MTUS2: variants seen among roughly 807,000 people sequenced by gnomAD.
The protein encoded by MTUS2 is microtubule associated scaffold protein 2, also known as microtubule-associated tumor suppressor candidate 2.
In MTUS2, 40 loss-of-function variants were observed where a neutral mutation model predicts 114.1. The ratio of observed to expected loss-of-function variants is 0.35; its 90% confidence interval spans 0.27 to 0.46. The LOEUF is 0.46. MTUS2 is among the 20% of genes least tolerant of loss of function. The pLI, the probability that MTUS2 is intolerant of heterozygous loss-of-function variation, is 1.00. For synonymous variants in MTUS2, 688 were observed against 672.0 expected, an observed-to-expected ratio of 1.02 and a Z score of -0.37; for missense variants, 1,679 against 1,705.4, an observed-to-expected ratio of 0.98 and a Z score of 0.27.
chr13:29,446,424 G>A (rs1878285090), intron 9 of MTUS2, among the ~76,000 whole-genome samples: 1 of 152,174 alleles, frequency 6.6e-6, no homozygotes, highest in African/African-American at 2.4e-5. Context: ...AGCACCAGAG[G>A]AAAAACTTTG....
intron 2 of MTUS2, among the ~76,000 whole-genome samples, chr13:28,950,262 T>A (rs138409568): frequency 1.6e-3 from 239 of 152,374 alleles, no homozygotes; most frequent in African/African-American, 5.6e-3. Flanking sequence ...GAAATTTGTA[T>A]TCAAGTCCTT....
At chr13:29,088,450 T>A (rs1889795233) in intron 4 of MTUS2, among the ~76,000 whole-genome samples, 1 of 152,214 alleles carries the variant, frequency 6.6e-6, no homozygotes, top group Admixed American at 6.5e-5. Context: ...AGGTACATTC[T>A]TACATTGTTG....
chr13:29,338,514 G>T (rs367765864), intron 7 of MTUS2, among the ~76,000 whole-genome samples: 13 of 152,206 alleles, frequency 8.5e-5, no homozygotes, highest in African/African-American at 3.1e-4. Context: ...CGCTTGAACC[G>T]GGGAGGCGGA....
intron 10 of MTUS2, chr13:29,482,047 T>C (rs1298449322): frequency 6.6e-6 from 1 of 152,244 alleles, no homozygotes; most frequent in South Asian, 2.1e-4. Flanking sequence ...CAGCTTGTTC[T>C]GTGCCTCTGT....
At chr13:29,152,117 A>C (rs886398136) in intron 5 of MTUS2, among the ~76,000 whole-genome samples, 9 of 152,076 alleles carry the variant, frequency 5.9e-5, no homozygotes, top group Non-Finnish European at 1.3e-4. Context: ...GATTGGTGTC[A>C]GCTCTTCTTT....
rs200134055 is a variant in MTUS2 at position 29,211,648 on chromosome 13, A to G, written c.2645-70056A>G. Among the ~76,000 whole-genome samples the G allele has an allele frequency of 3.0e-4, 45 of 152,088 alleles. No individual in the cohort carries two copies. The East Asian group carries it at 8.1e-3, about 27-fold the overall frequency. On this transcript the variant is annotated intron_variant, in intron 5 of 15. Transcript: ENST00000612955. ...TCTTCCCACTGCTTCCCCTACCCCT[A>G]TATTTTGCTCAGCTCTCTAAATTTG...
intron 2 of MTUS2, among the ~76,000 whole-genome samples, chr13:28,870,414 G>A (rs551598414): frequency 6.6e-6 from 1 of 152,228 alleles, no homozygotes; most frequent in African/African-American, 2.4e-5. Context: ...GAGTATGGGA[G>A]GGGGAAGGAG....
chr13:29,059,228 A>ATTTTTTTTTTTT (rs35369352), intron 4 of MTUS2, among the ~76,000 whole-genome samples: 5 of 97,142 alleles, frequency 5.1e-5, no homozygotes, highest in Non-Finnish European at 7.7e-5. Flanking sequence ...TATTCTTTGG[A>ATTTTTTTTTTTT]TTTTTTTTTT....
chr13:29,273,877 G>A (rs187114875), intron 5 of MTUS2, among the ~76,000 whole-genome samples: 19 of 152,268 alleles, frequency 1.2e-4, no homozygotes, highest in Admixed American at 8.5e-4. Context: ...GCTGAATAAT[G>A]TTCCATGGTA....
chr13:29,276,190 G>A (rs1203629329), intron 5 of MTUS2, among the ~76,000 whole-genome samples: 1 of 152,214 alleles, frequency 6.6e-6, no homozygotes, highest in Non-Finnish European at 1.5e-5. Context: ...GGAAGAATAA[G>A]ATTGCATTCC....
intron 5 of MTUS2, among the ~76,000 whole-genome samples, chr13:29,211,134 GGT>G: frequency 6.6e-6 from 1 of 152,258 alleles, no homozygotes; most frequent in South Asian, 2.1e-4. Context: ...GTCCTCGGTG[GGT>G]GGGCTTCCTG....
chr13:29,281,966 G>C lies in MTUS2; in HGVS notation c.2806+101G>C, dbSNP rs114291617. On this transcript the variant is annotated intron_variant, in intron 6 of 15. Coordinates refer to ENST00000612955, the MANE Select transcript of MTUS2 (RefSeq NM_001033602.4). ...CTGTGTACATCAGTTATTTAGAAGG[G>C]ATGATTGATTAAATGATAGTTAGTA... The C allele has an allele frequency of 3.2e-5, 41 of 1,273,196 alleles. No individual in the cohort carries two copies. In the African/African-American group the frequency reaches 6.1e-4, roughly 19 times the overall value. The allele number at this position is 1,273,196 out of a possible 1,614,324, so 78.9% of individuals were successfully genotyped here.
At chr13:28,975,428 C>A (rs1026637935) in intron 2 of MTUS2, among the ~76,000 whole-genome samples, 2 of 151,888 alleles carry the variant, frequency 1.3e-5, no homozygotes, top group South Asian at 4.2e-4. Flanking sequence ...ACAGTGGCTT[C>A]TTCGGCAGTT....
intron 3 of MTUS2, among the ~76,000 whole-genome samples, chr13:29,027,341 G>A (rs554454671): frequency 7.2e-5 from 11 of 152,254 alleles, no homozygotes; most frequent in Admixed American, 2.6e-4. Context: ...ATTCGCATGC[G>A]TGAAGAACAG....
At chr13:28,876,664 A>G (rs936985633) in intron 2 of MTUS2, among the ~76,000 whole-genome samples, 4 of 152,180 alleles carry the variant, frequency 2.6e-5, no homozygotes, top group African/African-American at 9.7e-5. Context: ...TGAACCCATC[A>G]CTAGTGATGA....
At chr13:29,407,489 T>TATTTA (rs1555274945) in intron 8 of MTUS2, among the ~76,000 whole-genome samples, 2,680 of 142,978 alleles carry the variant, frequency 0.019, 32 homozygotes, top group South Asian at 0.05. Context: ...TTTATTTATT[T>TATTTA]ATTTTGAGAT....
intron 2 of MTUS2, among the ~76,000 whole-genome samples, chr13:28,988,416 G>T (rs1263026629): frequency 1.3e-5 from 2 of 152,184 alleles, no homozygotes; most frequent in Non-Finnish European, 2.9e-5. Context: ...CAGATGTGTT[G>T]TAAAGCAAAA....
At chr13:28,910,308 C>T (rs1880332335) in intron 2 of MTUS2, among the ~76,000 whole-genome samples, 1 of 152,168 alleles carries the variant, frequency 6.6e-6, no homozygotes, top group African/African-American at 2.4e-5. Flanking sequence ...TAACTTATTT[C>T]ACTTAACATG....
chr13:29,371,948 G>A (rs146078002), intron 8 of MTUS2, among the ~76,000 whole-genome samples: 33 of 142,430 alleles, frequency 2.3e-4, no homozygotes, highest in South Asian at 4.8e-4. Flanking sequence ...TTTGCTAAGA[G>A]AGTAGATCTT....
Sources: gnomAD v4.1 joint callset for allele counts (sites outside exome capture counted in the v4.1 genomes callset) on GRCh38, gnomAD v4.1.1 for gene constraint, MANE v1.5 for transcripts, NCBI Gene and HGNC (gene_info 2026-07-23, HGNC 2026-07-21) for gene names.